CADM2: variants seen among roughly 807,000 people sequenced by gnomAD.
The protein encoded by CADM2 is cell adhesion molecule 2, also known as immunoglobulin superfamily member 4D.
Under a neutral mutation model 49.8 loss-of-function variants are expected in CADM2, and 12 were observed. The observed-to-expected ratio is 0.24, with a 90% CI of 0.15 to 0.39. CADM2 has a LOEUF of 0.39. CADM2 is among the 10% of genes least tolerant of loss of function. The pLI, the probability that CADM2 is intolerant of heterozygous loss-of-function variation, is 1.00. For missense variants in CADM2, 378 were observed against 492.3 expected (o/e 0.77, Z 2.20); for synonymous variants, 214 against 175.4 (o/e 1.22, Z -1.74).
intron 1 of CADM2, among the ~76,000 whole-genome samples, chr3:85,532,343 T>G (rs867309188): frequency 1.2e-4 from 19 of 152,212 alleles, no homozygotes; most frequent in Admixed American, 2.6e-4. Flanking sequence ...CACTATCTCC[T>G]TAAGCACATG....
At chr3:85,229,314 T>C (rs983888821) in intron 1 of CADM2, among the ~76,000 whole-genome samples, 2 of 152,130 alleles carry the variant, frequency 1.3e-5, no homozygotes, top group African/African-American at 2.4e-5. Context: ...GCGAAGACCA[T>C]GGGAAAAGTG....
intron 1 of CADM2, among the ~76,000 whole-genome samples, chr3:84,987,978 T>C (rs2032674230): frequency 6.6e-6 from 1 of 152,114 alleles, no homozygotes; most frequent in African/African-American, 2.4e-5. Context: ...GGTGGAAGGA[T>C]GAGAATTACC....
chr3:85,037,453 C>A (rs926740870), intron 1 of CADM2, among the ~76,000 whole-genome samples: 3 of 152,196 alleles, frequency 2.0e-5, no homozygotes, highest in Non-Finnish European at 2.9e-5. Context: ...GATTAGAGAT[C>A]ACTAACCATA....
At chr3:85,184,482 C>G (rs948805791) in intron 1 of CADM2, among the ~76,000 whole-genome samples, 1 of 151,810 alleles carries the variant, frequency 6.6e-6, no homozygotes, top group Non-Finnish European at 1.5e-5. Flanking sequence ...ATTTTTAGTT[C>G]TTTAAACATT....
chr3:84,972,312 A>G (rs2031507387), intron 1 of CADM2, among the ~76,000 whole-genome samples: 1 of 152,236 alleles, frequency 6.6e-6, no homozygotes, highest in South Asian at 2.1e-4. Context: ...ACATAGTATA[A>G]CATTAACTGC....
chr3:85,715,301 A>G (rs1011892465), intron 1 of CADM2, among the ~76,000 whole-genome samples: 1 of 152,176 alleles, frequency 6.6e-6, no homozygotes, highest in African/African-American at 2.4e-5. Context: ...TTGCTGCACT[A>G]TTTTACCAAT....
At chr3:85,518,896 A>G (rs2060966556) in intron 1 of CADM2, among the ~76,000 whole-genome samples, 14 of 152,138 alleles carry the variant, frequency 9.2e-5, no homozygotes, top group Admixed American at 9.2e-4. Context: ...GATTTCAGGA[A>G]TTAAGATTGG....
intron 8 of CADM2, among the ~76,000 whole-genome samples, chr3:86,036,098 G>A (rs189625953): frequency 1.7e-4 from 26 of 152,140 alleles, no homozygotes; most frequent in African/African-American, 2.2e-4. Context: ...TTGGATGTTA[G>A]GGATTCAATA....
At chr3:85,681,367 T>C (rs1398517912) in intron 1 of CADM2, among the ~76,000 whole-genome samples, 1 of 152,070 alleles carries the variant, frequency 6.6e-6, no homozygotes, top group Non-Finnish European at 1.5e-5. Context: ...TTTGCAAGTA[T>C]ATTTTGGAAA....
intron 1 of CADM2, among the ~76,000 whole-genome samples, chr3:85,134,403 T>A (rs1015313013): frequency 5.3e-5 from 8 of 152,244 alleles, no homozygotes; most frequent in African/African-American, 1.9e-4. Context: ...CCGTGGGGAC[T>A]GCCAGCACGC....
intron 1 of CADM2, among the ~76,000 whole-genome samples, chr3:85,126,796 AT>A (rs1356748601): frequency 6.6e-6 from 1 of 152,118 alleles, no homozygotes; most frequent in Non-Finnish European, 1.5e-5. Context: ...TACTTATTTC[AT>A]TTACCTTATC....
At chr3:85,573,524 T>C (rs949851426) in intron 1 of CADM2, among the ~76,000 whole-genome samples, 1 of 152,164 alleles carries the variant, frequency 6.6e-6, no homozygotes, top group African/African-American at 2.4e-5. Flanking sequence ...TGTGTGCTTC[T>C]AATGGCTATA....
intron 1 of CADM2, among the ~76,000 whole-genome samples, chr3:85,080,365 C>G (rs1042200043): frequency 6.6e-6 from 1 of 151,826 alleles, no homozygotes; most frequent in African/African-American, 2.4e-5. Context: ...TCTGTTTAGT[C>G]GATATGTCAG....
intron 1 of CADM2, among the ~76,000 whole-genome samples, chr3:85,724,796 G>A (rs1299356741): frequency 6.6e-6 from 1 of 151,684 alleles, no homozygotes; most frequent in Non-Finnish European, 1.5e-5. Context: ...TGTTTACTTT[G>A]CTATATTACC....
intron 1 of CADM2, among the ~76,000 whole-genome samples, chr3:85,042,481 C>CT (rs148005023): frequency 0.093 from 14,176 of 151,852 alleles, 892 homozygotes; most frequent in Non-Finnish European, 0.15. Context: ...TTCCACTCTG[C>CT]TTTTTTCTTT....
intron 1 of CADM2, among the ~76,000 whole-genome samples, chr3:85,376,594 G>T (rs1224195127): frequency 6.6e-6 from 1 of 152,020 alleles, no homozygotes; most frequent in Non-Finnish European, 1.5e-5. Flanking sequence ...ATAAGCATGT[G>T]TATTCTGAAA....
At chr3:85,717,417 T>C (rs2067334347) in intron 1 of CADM2, among the ~76,000 whole-genome samples, 1 of 152,204 alleles carries the variant, frequency 6.6e-6, no homozygotes, top group African/African-American at 2.4e-5. Flanking sequence ...CTTTTCTAAA[T>C]ATACAATAAT....
intron 1 of CADM2, among the ~76,000 whole-genome samples, chr3:85,226,052 C>T (rs966393324): frequency 1.3e-5 from 2 of 152,044 alleles, no homozygotes; most frequent in Admixed American, 6.6e-5. Context: ...GGATATTGGC[C>T]TAAAATTTTG....
At chr3:85,542,196 T>C (rs1399763586) in intron 1 of CADM2, among the ~76,000 whole-genome samples, 2 of 152,034 alleles carry the variant, frequency 1.3e-5, no homozygotes, top group African/African-American at 2.4e-5. Flanking sequence ...AATGTGCACA[T>C]TGTAGATCAT....
Sources: allele counts gnomAD v4.1 joint callset (sites outside exome capture counted in the v4.1 genomes callset), GRCh38; gene constraint gnomAD v4.1.1; transcripts MANE v1.5; gene names NCBI Gene and HGNC (gene_info 2026-07-23, HGNC 2026-07-21).